PDE10A: variants seen among roughly 807,000 people sequenced by gnomAD.
PDE10A encodes the protein cAMP and cAMP-inhibited cGMP 3',5'-cyclic phosphodiesterase 10A.
In PDE10A, 39 loss-of-function variants were observed where a neutral mutation model predicts 97.7. The ratio of observed to expected loss-of-function variants is 0.40; its 90% CI spans 0.31 to 0.52. PDE10A has a LOEUF of 0.52. PDE10A is among the 20% of genes least tolerant of loss of function. The pLI is 0.56. For missense variants in PDE10A, 731 were observed against 1,047.8 expected (o/e 0.70, Z 4.17); for synonymous variants, 371 against 376.8 (o/e 0.98, Z 0.18).
At chr6:165,519,815 G>T (rs1782027422) in intron 2 of PDE10A, among the ~76,000 whole-genome samples, 2 of 152,092 alleles carry the variant, frequency 1.3e-5, no homozygotes, top group Admixed American at 6.6e-5. Flanking sequence ...AAATTATGTG[G>T]CTCGATTTTT....
At chr6:165,901,780 A>G (rs1191426318) in intron 1 of PDE10A, among the ~76,000 whole-genome samples, 1 of 152,126 alleles carries the variant, frequency 6.6e-6, no homozygotes, top group Non-Finnish European at 1.5e-5. Context: ...GGTCTGGGCA[A>G]CAAGAGTGAA....
At chr6:165,733,550 A>G (rs1486981562) in intron 1 of PDE10A, among the ~76,000 whole-genome samples, 1 of 152,214 alleles carries the variant, frequency 6.6e-6, no homozygotes, top group East Asian at 1.9e-4. Flanking sequence ...TTCTCTGAAT[A>G]AAAAGCACAG....
At chr6:165,488,384 C>T (rs1350883024) in intron 2 of PDE10A, among the ~76,000 whole-genome samples, 3 of 152,200 alleles carry the variant, frequency 2.0e-5, no homozygotes, top group East Asian at 1.9e-4. Context: ...GTAAGCACAG[C>T]GTTCACAGCA....
chr6:165,600,360 G>A (rs1320957261), intron 1 of PDE10A, among the ~76,000 whole-genome samples: 2 of 152,230 alleles, frequency 1.3e-5, no homozygotes, highest in Non-Finnish European at 2.9e-5. Flanking sequence ...TGAGTTCTCT[G>A]TAAAGTCAGG....
intron 1 of PDE10A, among the ~76,000 whole-genome samples, chr6:165,785,071 G>A (rs747575329): frequency 2.6e-5 from 4 of 152,186 alleles, no homozygotes; most frequent in Non-Finnish European, 5.9e-5. Context: ...AATTTCTTGG[G>A]AGTCTCAAAG....
intron 1 of PDE10A, among the ~76,000 whole-genome samples, chr6:165,613,028 A>G (rs1022006484): frequency 2.6e-5 from 4 of 152,256 alleles, no homozygotes; most frequent in East Asian, 3.9e-4. Flanking sequence ...ACAGAAAAGG[A>G]TAAGTTCTCT....
intron 18 of PDE10A, among the ~76,000 whole-genome samples, chr6:165,374,755 G>GTT (rs67030054): frequency 0.22 from 31,351 of 141,212 alleles, 3,630 homozygotes; most frequent in African/African-American, 0.29. Context: ...CATGTTTTTG[G>GTT]TTTTTTTTTT....
At chr6:165,742,302 A>G (rs139275370) in intron 1 of PDE10A, among the ~76,000 whole-genome samples, 1 of 152,288 alleles carries the variant, frequency 6.6e-6, no homozygotes, top group Non-Finnish European at 1.5e-5. Context: ...GTTAACATCT[A>G]TCAAGTGCTC....
intron 18 of PDE10A, among the ~76,000 whole-genome samples, chr6:165,361,457 T>C (rs1783420503): frequency 6.6e-6 from 1 of 152,160 alleles, no homozygotes; most frequent in East Asian, 1.9e-4. Flanking sequence ...ATGCACGAAA[T>C]TGTGTCCCTC....
At chr6:165,594,524 A>G (rs927273096) in intron 1 of PDE10A, among the ~76,000 whole-genome samples, 4 of 152,198 alleles carry the variant, frequency 2.6e-5, no homozygotes, top group African/African-American at 9.7e-5. Flanking sequence ...GTGGGAGCAG[A>G]GTGAGGGAAG....
chr6:165,484,871 TCA>T (rs572223011), intron 2 of PDE10A, among the ~76,000 whole-genome samples: 65 of 152,242 alleles, frequency 4.3e-4, no homozygotes, highest in South Asian at 1.9e-3. Flanking sequence ...TGCACTTGTC[TCA>T]GTCACAGTTT....
intron 1 of PDE10A, among the ~76,000 whole-genome samples, chr6:165,973,732 C>T (rs1010186250): frequency 1.3e-5 from 2 of 152,162 alleles, no homozygotes; most frequent in African/African-American, 2.4e-5. Context: ...GTCAGGACGT[C>T]GCAGGAATAT....
intron 2 of PDE10A, among the ~76,000 whole-genome samples, chr6:165,533,504 C>T (rs576048704): frequency 1.2e-4 from 18 of 152,162 alleles, no homozygotes; most frequent in Non-Finnish European, 2.4e-4. Context: ...GCATTACAGT[C>T]TTATGGGACC....
intron 1 of PDE10A, among the ~76,000 whole-genome samples, chr6:165,886,215 G>C (rs1781627363): frequency 6.6e-6 from 1 of 151,980 alleles, no homozygotes; most frequent in South Asian, 2.1e-4. Flanking sequence ...GAGCCCTGCA[G>C]CCCTGGAGCC....
At chr6:165,961,850 C>T (rs1473068503) in intron 1 of PDE10A, among the ~76,000 whole-genome samples, 1 of 152,222 alleles carries the variant, frequency 6.6e-6, no homozygotes, top group Non-Finnish European at 1.5e-5. Context: ...TAGCCAAGAT[C>T]CACCCTCCAT....
At chr6:165,804,403 G>T (rs1229662465) in intron 1 of PDE10A, among the ~76,000 whole-genome samples, 1 of 152,110 alleles carries the variant, frequency 6.6e-6, no homozygotes, top group Non-Finnish European at 1.5e-5. Flanking sequence ...CGTTTGCTTC[G>T]TTTGTTTTGT....
chr6:165,384,954 G>A (rs16897780), intron 17 of PDE10A, among the ~76,000 whole-genome samples: 19,630 of 152,066 alleles, frequency 0.13, 1,538 homozygotes, highest in East Asian at 0.3. Context: ...GATGGGCAGC[G>A]CCATGCTCGT....
chr6:165,753,986 C>A (rs1251953289), intron 1 of PDE10A, among the ~76,000 whole-genome samples: 1 of 152,126 alleles, frequency 6.6e-6, no homozygotes, highest in Non-Finnish European at 1.5e-5. Context: ...ATCATTAGGC[C>A]TCTCTCTGCT....
At chr6:165,755,302 A>G (rs776293386) in intron 1 of PDE10A, among the ~76,000 whole-genome samples, 8 of 152,172 alleles carry the variant, frequency 5.3e-5, no homozygotes, top group Non-Finnish European at 1.0e-4. Flanking sequence ...TAGTTGCCCA[A>G]CTCTCACCAT....
Sources: allele counts gnomAD v4.1 joint callset (sites outside exome capture counted in the v4.1 genomes callset), GRCh38; gene constraint gnomAD v4.1.1; transcripts MANE v1.5; gene names NCBI Gene and HGNC (gene_info 2026-07-23, HGNC 2026-07-21).